CDK19: variants seen among roughly 807,000 people sequenced by gnomAD.
CDK19 encodes cyclin dependent kinase 19, also known as cyclin-dependent kinase 19.
CDK19 carries 20 observed loss-of-function variants against 68.3 expected under a neutral mutation model. The ratio of observed to expected loss-of-function variants is 0.29; its 90% confidence interval spans 0.21 to 0.43. The LOEUF is 0.43. Ranked by LOEUF, CDK19 falls within the 20% of genes least tolerant of loss-of-function variation. The probability of loss-of-function intolerance (pLI) is 1.00; values close to 1 mark genes in which losing one functional copy is unlikely to be tolerated. For synonymous variants in CDK19, 221 were observed against 222.8 expected, an observed-to-expected ratio of 0.99 and a Z score of 0.07; for missense variants, 339 against 623.5, an observed-to-expected ratio of 0.54 and a Z score of 4.86.
chr6:110,644,654 C>CA (rs1294538321), intron 4 of CDK19, among the ~76,000 whole-genome samples: 1 of 152,120 alleles, frequency 6.6e-6, no homozygotes, highest in Non-Finnish European at 1.5e-5. Context: ...ACTATACACC[C>CA]AGTCCCTCGC....
intron 1 of CDK19, among the ~76,000 whole-genome samples, chr6:110,771,518 T>C (rs1212503951): frequency 6.6e-6 from 1 of 152,154 alleles, no homozygotes; most frequent in Non-Finnish European, 1.5e-5. Flanking sequence ...CTCCTAGGAC[T>C]CCAGGCCTGT....
chr6:110,739,121 C>G (rs1464900309), intron 2 of CDK19, among the ~76,000 whole-genome samples: 1 of 152,202 alleles, frequency 6.6e-6, no homozygotes, highest in African/African-American at 2.4e-5. Context: ...CTTCCCTCCT[C>G]AATAAACTGA....
intron 5 of CDK19, among the ~76,000 whole-genome samples, chr6:110,633,520 C>T (rs1258542635): frequency 6.6e-6 from 1 of 152,120 alleles, no homozygotes; most frequent in Non-Finnish European, 1.5e-5. Flanking sequence ...TTTTCAAGAG[C>T]ATACACAGAA....
At chr6:110,792,870 GAATA>G (rs1781696009) in intron 1 of CDK19, among the ~76,000 whole-genome samples, 1 of 152,008 alleles carries the variant, frequency 6.6e-6, no homozygotes, top group Non-Finnish European at 1.5e-5. Context: ...CAGATTTAGC[GAATA>G]AATAAACTAA....
At chr6:110,666,659 T>A (rs1233321244) in intron 4 of CDK19, among the ~76,000 whole-genome samples, 1 of 152,062 alleles carries the variant, frequency 6.6e-6, no homozygotes, top group Non-Finnish European at 1.5e-5. Flanking sequence ...CCTAGATGTA[T>A]CCCTACCATA....
chr6:110,811,764 G>A (rs531450129), intron 1 of CDK19, among the ~76,000 whole-genome samples: 1 of 152,084 alleles, frequency 6.6e-6, no homozygotes, highest in East Asian at 1.9e-4. Flanking sequence ...GGGTGTGGTG[G>A]CATGAGCCTG....
chr6:110,670,922 TAAAG>T (rs1770954981), intron 2 of CDK19: 1 of 377,640 alleles, frequency 2.6e-6, no homozygotes, highest in African/African-American at 2.1e-5. Context: ...TCTTTTTTAC[TAAAG>T]AAACTGTTCC....
chr6:110,773,049 C>CT (rs1289179381), intron 1 of CDK19, among the ~76,000 whole-genome samples: 2 of 133,174 alleles, frequency 1.5e-5, no homozygotes, highest in African/African-American at 5.8e-5. Context: ...AACCCCGTCT[C>CT]TTAAAAAAAA....
chr6:110,806,649 T>C (rs1782701820), intron 1 of CDK19, among the ~76,000 whole-genome samples: 1 of 152,192 alleles, frequency 6.6e-6, no homozygotes, highest in Non-Finnish European at 1.5e-5. Context: ...CATCTCTGTA[T>C]ATAGATATGT....
chr6:110,692,378 T>C (rs368711962), intron 2 of CDK19, among the ~76,000 whole-genome samples: 4 of 149,596 alleles, frequency 2.7e-5, no homozygotes, highest in South Asian at 4.2e-4. Flanking sequence ...CTAGAACAAG[T>C]AGAAGAAAGA....
At chr6:110,781,091 T>C (rs1780778449) in intron 1 of CDK19, among the ~76,000 whole-genome samples, 1 of 152,182 alleles carries the variant, frequency 6.6e-6, no homozygotes, top group African/African-American at 2.4e-5. Flanking sequence ...TTAGTCCATT[T>C]TGCGTTGCTA....
chr6:110,686,511 T>A (rs1772501182), intron 2 of CDK19, among the ~76,000 whole-genome samples: 1 of 152,196 alleles, frequency 6.6e-6, no homozygotes, highest in Non-Finnish European at 1.5e-5. Flanking sequence ...ATAGGGTGTA[T>A]CTCTTATCTT....
At chr6:110,774,910 C>T (rs988422186) in intron 1 of CDK19, among the ~76,000 whole-genome samples, 2 of 152,156 alleles carry the variant, frequency 1.3e-5, no homozygotes, top group African/African-American at 4.8e-5. Flanking sequence ...GATCACACCA[C>T]TACACTCCAG....
chr6:110,673,010 G>A (rs1010519839), intron 2 of CDK19, among the ~76,000 whole-genome samples: 44 of 151,472 alleles, frequency 2.9e-4, no homozygotes, highest in Non-Finnish European at 1.0e-4. Flanking sequence ...CTAGTTCAAT[G>A]GGATTAAGTA....
chr6:110,676,430 T>C (rs1432818569), intron 2 of CDK19, among the ~76,000 whole-genome samples: 1 of 152,198 alleles, frequency 6.6e-6, no homozygotes, highest in Non-Finnish European at 1.5e-5. Flanking sequence ...TTGAGAGGAC[T>C]GACTCAAATT....
At chr6:110,672,765 A>G (rs1771132032) in intron 2 of CDK19, among the ~76,000 whole-genome samples, 1 of 152,196 alleles carries the variant, frequency 6.6e-6, no homozygotes, top group Non-Finnish European at 1.5e-5. Context: ...ATATTAGGAC[A>G]ATATCAATAT....
chr6:110,732,076 C>CCTTG (rs1245316736), intron 2 of CDK19, among the ~76,000 whole-genome samples: 12 of 151,362 alleles, frequency 7.9e-5, no homozygotes, highest in African/African-American at 2.9e-4. Flanking sequence ...ATCCCACCCA[C>CCTTG]CTTGGCTCTT....
At chr6:110,769,482 T>C (rs1779842418) in intron 1 of CDK19, among the ~76,000 whole-genome samples, 2 of 151,536 alleles carry the variant, frequency 1.3e-5, no homozygotes, top group African/African-American at 4.8e-5. Context: ...GGAGAATCGC[T>C]TGAACCCGGG....
chr6:110,774,299 C>T (rs2115005729), intron 1 of CDK19, among the ~76,000 whole-genome samples: 1 of 152,252 alleles, frequency 6.6e-6, no homozygotes, highest in Non-Finnish European at 1.5e-5. Flanking sequence ...CAGTAGTCCC[C>T]CCTTATCCAT....
Sources: allele counts gnomAD v4.1 joint callset (sites outside exome capture counted in the v4.1 genomes callset), GRCh38; gene constraint gnomAD v4.1.1; transcripts MANE v1.5; gene names NCBI Gene and HGNC (gene_info 2026-07-23, HGNC 2026-07-21).